SUGCT: variants seen among roughly 807,000 people sequenced by gnomAD.
The protein encoded by SUGCT is succinyl-CoA:glutarate-CoA transferase.
In SUGCT, 41 loss-of-function variants were observed where a neutral mutation model predicts 55.0. The ratio of observed to expected loss-of-function variants is 0.74; its 90% CI spans 0.58 to 0.97. SUGCT has a LOEUF of 0.97. Among genes scored for constraint, SUGCT ranks in the 50% least tolerant of loss-of-function variants. The pLI, the probability that SUGCT is intolerant of heterozygous loss-of-function variation, is 0.00. For synonymous variants in SUGCT, 187 were observed against 200.4 expected, an observed-to-expected ratio of 0.93 and a Z score of 0.56; for missense variants, 568 against 547.8, an observed-to-expected ratio of 1.04 and a Z score of -0.37.
chr7:40,138,035 C>A (rs942546002), intron 1 of SUGCT, among the ~76,000 whole-genome samples: 2 of 152,102 alleles, frequency 1.3e-5, no homozygotes, highest in Admixed American at 6.6e-5. Flanking sequence ...TGCAGTTTTG[C>A]TACATTGATA....
At chr7:40,463,501 G>C (rs914385566) in intron 11 of SUGCT, among the ~76,000 whole-genome samples, 2 of 152,076 alleles carry the variant, frequency 1.3e-5, no homozygotes, top group African/African-American at 4.8e-5. Flanking sequence ...TTTAGAATCA[G>C]GTGATTCTCC....
At chr7:40,416,052 T>C (rs997644602) in intron 9 of SUGCT, among the ~76,000 whole-genome samples, 1 of 152,064 alleles carries the variant, frequency 6.6e-6, no homozygotes, top group Non-Finnish European at 1.5e-5. Flanking sequence ...TTTTGGAGGA[T>C]TTTTGTTTAT....
intron 12 of SUGCT, among the ~76,000 whole-genome samples, chr7:40,733,831 C>T (rs750612649): frequency 8.5e-5 from 13 of 152,172 alleles, no homozygotes; most frequent in Non-Finnish European, 1.6e-4. Context: ...TTGTATGTGC[C>T]ACGACATCGT....
the SUGCT span, among the ~76,000 whole-genome samples, chr7:40,946,787 A>AT: frequency 3.3e-5 from 5 of 152,042 alleles, no homozygotes; most frequent in African/African-American, 7.2e-5. Context: ...TCTGGTATCC[A>AT]TTTTTTTAAA....
At chr7:40,388,390 T>C (rs139133750) in intron 9 of SUGCT, among the ~76,000 whole-genome samples, 251 of 152,228 alleles carry the variant, frequency 1.6e-3, no homozygotes, top group African/African-American at 5.8e-3. Context: ...ATACAAGTCA[T>C]TGAAAGCAAC....
At chr7:40,746,546 T>C (rs1455956142) in intron 12 of SUGCT, among the ~76,000 whole-genome samples, 1 of 152,236 alleles carries the variant, frequency 6.6e-6, no homozygotes, top group Non-Finnish European at 1.5e-5. Flanking sequence ...GAAGAATTTA[T>C]ATTTTTGCTT....
the SUGCT span, among the ~76,000 whole-genome samples, chr7:40,896,128 A>G: frequency 6.6e-6 from 1 of 152,234 alleles, no homozygotes; most frequent in Non-Finnish European, 1.5e-5. Flanking sequence ...ATTCAAACAA[A>G]TAAACAAATT....
At chr7:40,272,052 CCTCT>C (rs1792055504) in intron 7 of SUGCT, among the ~76,000 whole-genome samples, 1 of 122,358 alleles carries the variant, frequency 8.2e-6, no homozygotes, top group Admixed American at 9.0e-5. Context: ...GAATAATATT[CCTCT>C]CTCTCTGTCT....
chr7:40,892,318 C>A, the SUGCT span, among the ~76,000 whole-genome samples: 2 of 152,080 alleles, frequency 1.3e-5, no homozygotes, highest in East Asian at 3.9e-4. Flanking sequence ...TTAATGTAAG[C>A]CTCACGATAA....
At chr7:40,350,368 C>T (rs1361274461) in intron 9 of SUGCT, among the ~76,000 whole-genome samples, 5 of 150,828 alleles carry the variant, frequency 3.3e-5, no homozygotes, top group South Asian at 4.2e-4. Flanking sequence ...GGCAGGAGTG[C>T]GGTGGCACGA....
At chr7:40,612,652 A>C (rs1290533771) in intron 12 of SUGCT, among the ~76,000 whole-genome samples, 1 of 152,192 alleles carries the variant, frequency 6.6e-6, no homozygotes, top group African/African-American at 2.4e-5. Context: ...GCCTTTTCTC[A>C]TCTGTATAGT....
the SUGCT span, among the ~76,000 whole-genome samples, chr7:40,887,871 A>AG: frequency 1.3e-5 from 2 of 152,170 alleles, no homozygotes; most frequent in Non-Finnish European, 2.9e-5. Context: ...AATGAAAAGC[A>AG]GGGGAATGTG....
chr7:40,680,770 A>G (rs1718729142), intron 12 of SUGCT, among the ~76,000 whole-genome samples: 1 of 152,134 alleles, frequency 6.6e-6, no homozygotes, highest in South Asian at 2.1e-4. Context: ...ACCATATGCA[A>G]ATCAGGCATG....
At chr7:40,703,177 GC>G (rs2128664242) in intron 12 of SUGCT, among the ~76,000 whole-genome samples, 1 of 150,438 alleles carries the variant, frequency 6.6e-6, no homozygotes, top group East Asian at 2.0e-4. Context: ...TGATTCTCCT[GC>G]CTCAGCCTCC....
chr7:41,024,271 T>C, the SUGCT span, among the ~76,000 whole-genome samples: 3 of 152,138 alleles, frequency 2.0e-5, no homozygotes, highest in African/African-American at 7.2e-5. Context: ...AGAATATCTG[T>C]ATAAGCTTGG....
chr7:40,819,232 C>G (rs1369104487), intron 13 of SUGCT, among the ~76,000 whole-genome samples: 5 of 152,048 alleles, frequency 3.3e-5, no homozygotes, highest in Non-Finnish European at 7.4e-5. Context: ...GTGCATGTGT[C>G]TTTATAGCGG....
At chr7:40,487,282 T>C (rs1351487351) in intron 11 of SUGCT, among the ~76,000 whole-genome samples, 1 of 143,424 alleles carries the variant, frequency 7.0e-6, no homozygotes, top group African/African-American at 2.6e-5. Flanking sequence ...TTTTTTTGTA[T>C]TTTTAGTAGA....
At chr7:40,248,014 T>G (rs1189487105) in intron 7 of SUGCT, among the ~76,000 whole-genome samples, 192 of 1,094 alleles carry the variant, frequency 0.18, 1 homozygote, top group Non-Finnish European at 0.47. Flanking sequence ...TGTTTTTTTG[T>G]TTTTTTTTTT....
chr7:40,697,244 T>C (rs1784973474), intron 12 of SUGCT, among the ~76,000 whole-genome samples: 1 of 152,230 alleles, frequency 6.6e-6, no homozygotes, highest in Non-Finnish European at 1.5e-5. Flanking sequence ...TTTCTGTTTA[T>C]AAGTCTATTA....
Sources: allele counts gnomAD v4.1 joint callset (sites outside exome capture counted in the v4.1 genomes callset), GRCh38; gene constraint gnomAD v4.1.1; transcripts MANE v1.5; gene names NCBI Gene and HGNC (gene_info 2026-07-23, HGNC 2026-07-21).